The following NOC2L variants were observed in gnomAD, a reference collection of about 807,000 sequenced individuals.
NOC2L encodes NOC2 like nucleolar associated transcriptional repressor.
Under a neutral mutation model 94.2 loss-of-function variants are expected in NOC2L, and 101 were observed. That is an observed-to-expected ratio of 1.07 (90% CI 0.91 to 1.26). The LOEUF is 1.26. Ranked by LOEUF, NOC2L falls within the 50% of genes most tolerant of loss-of-function variation. NOC2L has a pLI of 0.00. For synonymous variants in NOC2L, 531 were observed against 413.4 expected, an observed-to-expected ratio of 1.28 and a Z score of -3.45; for missense variants, 1,076 against 980.1, an observed-to-expected ratio of 1.10 and a Z score of -1.31.
chr1:944,907 T>G, intron 18 of NOC2L, 107 bp from the exon 19 acceptor site: 1 of 1,395,682 alleles, frequency 7.2e-7, no homozygotes, highest in Non-Finnish European at 9.9e-7. Context: ...TTTATCCCTG[T>G]TGCTGGCTGC....
At position 952,135 on chromosome 1, in the gene NOC2L, G is replaced by A; in HGVS notation, c.1196C>T (p.Thr399Ile). ...CTGCCAGTTGTACACAGACTGGTATGTTTCCTGGTCAGAGAGAACCACGTC... is the reference window on the plus strand; with the variant it reads ...CTGCCAGTTGTACACAGACTGGTATATTTCCTGGTCAGAGAGAACCACGTC... ...RNAMTTRKKE[T>I]YQSVYNWQYV... The change falls in exon 11 of 19, where the codon ACA (threonine) becomes ATA (isoleucine). Residue 399 changes from threonine (T) to isoleucine (I), a missense_variant. By Grantham distance (89) the Thr-to-Ile change is moderately conservative. Transcript: ENST00000327044. 1 of 1,613,568 alleles carries A rather than the reference G, an allele frequency of 6.2e-7. No homozygotes were observed. Among genetic ancestry groups the A allele is most frequent in the Admixed American group, 1.7e-5 (1 of 60,024 alleles).
intron 14 of NOC2L, 103 bp from the exon 15 acceptor site, chr1:946,648 C>T: frequency 1.5e-6 from 2 of 1,373,812 alleles, no homozygotes; most frequent in Non-Finnish European, 2.0e-6. Flanking sequence ...GGGGATACCC[C>T]AGGAGGGGAC....
intron 18 of NOC2L, 110 bp from the exon 19 acceptor site, chr1:944,910 C>T (rs912570772): frequency 5.0e-6 from 7 of 1,401,162 alleles, no homozygotes; most frequent in South Asian, 1.3e-5. Flanking sequence ...ATCCCTGTTG[C>T]TGGCTGCCAG....
intron 18 of NOC2L, 126 bp downstream of exon 18, chr1:944,931 A>G: frequency 2.7e-6 from 4 of 1,497,708 alleles, no homozygotes; most frequent in Non-Finnish European, 3.7e-6. Context: ...AGAACAGAGC[A>G]TTTGGCCTGG....
At chr1:948,377 C>T (rs534572708) in intron 13 of NOC2L, 113 bp downstream of exon 13, 3 of 1,024,584 alleles carry the variant, frequency 2.9e-6, no homozygotes, top group South Asian at 1.4e-5. Flanking sequence ...CCCTGGGAGA[C>T]CATGAAGGTC....
rs1474714824 is a variant in NOC2L, at chr1:945,366, C to T, written c.2053+152G>A. 5.7e-6 allele frequency: 6 copies of T among 1,052,228 alleles called. No individual in the cohort carries two copies. In the East Asian group the frequency reaches 1.0e-4, roughly 18 times the overall value. 65.2% of individuals were successfully genotyped at this position (1,052,228 alleles called of 1,614,324 possible). On this transcript the variant is annotated intron_variant, in intron 17 of 18. Transcript: ENST00000327044. ...ACTTCAAGGAGGGAAGGCGCTGGCACCAGAAGCCTGGCAACACTGAGGTTG... is the reference window on the plus strand; with the variant it reads ...ACTTCAAGGAGGGAAGGCGCTGGCATCAGAAGCCTGGCAACACTGAGGTTG...
At chr1:954,227 C>T in intron 6 of NOC2L, 145 bp from the exon 7 acceptor site, 1 of 693,470 alleles carries the variant, frequency 1.4e-6, no homozygotes, top group South Asian at 1.9e-5. Flanking sequence ...AGCTCAGGGC[C>T]CCTTACAGCT....
At position 959,061 on chromosome 1, in the gene NOC2L, A is replaced by ACCGTCAGCT. The variant is rs771917038; in HGVS notation, c.38_46dup (p.Glu13_Thr15dup). On this transcript the variant is annotated inframe_insertion, in exon 2 of 19. Coordinates refer to ENST00000327044, the MANE Select transcript of NOC2L (RefSeq NM_015658.4). ...AAAGCCCGAAGCTAGGAACTCGTCCACCGTCAGCTCCGCCAGGCGCCTGCG... is the reference window on the plus strand; with the variant it reads ...AAAGCCCGAAGCTAGGAACTCGTCCACCGTCAGCTCCGTCAGCTCCGCCAGGCGCCTGCG... 12 of 1,609,718 alleles carry ACCGTCAGCT rather than the reference A, an allele frequency of 7.5e-6. No homozygotes were observed. The highest frequency in any genetic ancestry group is 1.3e-5 in the African/African-American group (1 of 75,018).
At chr1:951,278 T>A (rs1331406691) in intron 11 of NOC2L, 40 bp from the exon 12 acceptor site, 1 of 1,438,794 alleles carries the variant, frequency 7.0e-7, no homozygotes, top group African/African-American at 1.4e-5. Context: ...GCCCCGGCTC[T>A]GGCAGCCCCT....
chr1:945,538 G>A lies in NOC2L; in HGVS notation c.2033C>T (p.Thr678Ile), dbSNP rs1195668832. Residue 678 changes from threonine to isoleucine, a missense_variant, in exon 17 of 19, where the codon ACC becomes ATC. Thr to Ile is a moderately conservative substitution (Grantham distance 89, BLOSUM62 -1). Transcript: ENST00000327044. ...FDLNSSEEDD[T>I]EGFSERGILR... Reference sequence around the variant, plus strand: ...CCCACCTCTCTCCGAGAATCCCTCGGTGTCGTCCTCTTCAGAGCTGTTCAG... The same window carrying A: ...CCCACCTCTCTCCGAGAATCCCTCGATGTCGTCCTCTTCAGAGCTGTTCAG... 6.2e-7 allele frequency: 1 copy of A among 1,613,828 alleles called. No homozygotes were observed. Among genetic ancestry groups the A allele is most frequent in the East Asian group, 2.2e-5 (1 of 44,900 alleles).
chr1:958,186 A>T (rs1232408669), intron 2 of NOC2L: 2 of 154,128 alleles, frequency 1.3e-5, no homozygotes, highest in Non-Finnish European at 2.8e-5. Flanking sequence ...CTCCTGCCTC[A>T]GCCTCCCGAG....
Position 953,705 on chromosome 1 carries a change from G to T in NOC2L, c.888+77C>A, listed in dbSNP as rs1642320584. 9.9e-6 allele frequency: 11 copies of T among 1,112,464 alleles called. No homozygotes were observed. The East Asian group carries it at 2.7e-4, about 27-fold the overall frequency. The allele number at this position is 1,112,464 out of a possible 1,614,324, so 68.9% of individuals were successfully genotyped here. A position where few individuals can be genotyped will look rare whatever the true frequency, so the allele number is the denominator to read the frequency against. ...GTGGGCACCACCTGTGCCCTGGCCAGGAGTGGGATGTGGTGGGGGTAGCCG... is the reference window on the plus strand; with the variant it reads ...GTGGGCACCACCTGTGCCCTGGCCATGAGTGGGATGTGGTGGGGGTAGCCG... On this transcript the variant is annotated intron_variant, in intron 8 of 18. Transcript: ENST00000327044.
intron 3 of NOC2L, 25 bp from the exon 4 acceptor site, chr1:957,050 G>T: frequency 6.2e-7 from 1 of 1,614,046 alleles, no homozygotes; most frequent in Admixed American, 1.7e-5. Flanking sequence ...TGAGCTGAAG[G>T]AGAGTGTAGA....
chr1:952,481 G>C lies in NOC2L; in HGVS notation c.1122C>G (p.Tyr374Ter). ...GGCGGATGTAGAGGAAGGCGTGCTG[G>C]TAGGCCACACCCGGCTCCAGGGCCA... ...ELLALEPGVA[Y>*]QHAFLYIRQL... Residue 374 changes from tyrosine (Y) to a stop codon, truncating the protein, a stop_gained, in exon 10 of 19, where the codon TAC (tyrosine) becomes TAG (stop). Transcript: ENST00000327044. LOFTEE classifies it high-confidence loss of function. 6.2e-7 allele frequency: 1 copy of C among 1,613,800 alleles called. No individual in the cohort carries two copies. The highest frequency in any genetic ancestry group is 8.5e-7 in the Non-Finnish European group (1 of 1,179,992).
chr1:946,283 C>T lies in NOC2L; in HGVS notation c.1807G>A (p.Ala603Thr), dbSNP rs568306861. The T allele has an allele frequency of 6.2e-7, 1 of 1,612,844 alleles. No individual in the cohort carries two copies. Residue 603 changes from alanine (A) to threonine (T), a missense_variant, in exon 16 of 19, where the codon GCC becomes ACC. Physicochemically the swap from Ala to Thr is moderately conservative, Grantham distance 58. This residue lies in a region of NOC2L where 615 missense variants were observed against 577.4 expected (regional missense o/e 1.07). Coordinates refer to ENST00000327044, the MANE Select transcript of NOC2L (RefSeq NM_015658.4). ...FGVSEQQAVE[A>T]WEKLTREEGT... The stretch of plus-strand genomic sequence containing the variant: ...TCTTCCCGGGTCAGCTTCTCCCAGG[C>T]TTCCTGGGGGGTTGGGGGAGTTCAG...
rs1295180510 is a variant in NOC2L at position 952,081 on chromosome 1, C to T, written c.1250G>A (p.Arg417Gln). 8.7e-6 allele frequency: 14 copies of T among 1,613,606 alleles called. No individual in the cohort carries two copies. The highest frequency in any genetic ancestry group is 4.5e-5 in the East Asian group (2 of 44,892). ...QYVHCLFLWC[R>Q]VLSTAGPSEA... ...GCTGGGGCCCGCAGTGCTCAGGACC[C>T]GGCACCACAGGAAGAGGCAGTGCAC... The change falls in exon 11 of 19, where the codon CGG becomes CAG. Residue 417 changes from arginine to glutamine, a missense_variant. By Grantham distance (43) the Arg-to-Gln change is conservative (BLOSUM62 1). Transcript: ENST00000327044.
chr1:958,866 A>G, intron 2 of NOC2L, 63 bp downstream of exon 2: 1 of 1,592,756 alleles, frequency 6.3e-7, no homozygotes, highest in Non-Finnish European at 8.6e-7. Flanking sequence ...AGGCGAGGTC[A>G]GCAACCCAAC....
intron 2 of NOC2L, 98 bp from the exon 3 acceptor site, chr1:957,371 A>T: frequency 8.6e-7 from 1 of 1,167,486 alleles, no homozygotes; most frequent in South Asian, 1.4e-5. Context: ...AAGGGTTACC[A>T]ACTAGCAAGA....
chr1:948,110 C>T (rs762750432), intron 14 of NOC2L, 21 bp downstream of exon 14: 92 of 1,549,330 alleles, frequency 5.9e-5, no homozygotes, highest in Non-Finnish European at 7.9e-5. Context: ...GGCCACGAGC[C>T]GGTGTGGGCA....
Sources: allele counts gnomAD v4.1 joint callset, GRCh38; gene constraint gnomAD v4.1.1; regional missense constraint gnomAD v4.1.1; transcripts MANE v1.5; gene names NCBI Gene and HGNC (gene_info 2026-07-23, HGNC 2026-07-21).